AKAP13: variants seen among roughly 807,000 people sequenced by gnomAD.
AKAP13 encodes the protein A-kinase anchoring protein 13.
A neutral mutation model predicts 264.5 loss-of-function variants in AKAP13; 80 were observed. That is an observed-to-expected ratio of 0.30 (90% CI 0.25 to 0.36). The LOEUF is 0.36. AKAP13 is among the 10% of genes least tolerant of loss of function. The pLI, the probability that AKAP13 is intolerant of heterozygous loss-of-function variation, is 1.00. For missense variants in AKAP13, 3,712 were observed against 3,435.2 expected (o/e 1.08, Z -2.01); for synonymous variants, 1,380 against 1,250.2 (o/e 1.10, Z -2.19).
At chr15:85,733,873 C>CTTTTTTTTTTTTTTTTTTTTTTTTTTTTT (rs72092500) in intron 30 of AKAP13, among the ~76,000 whole-genome samples, 5 of 82,590 alleles carry the variant, frequency 6.1e-5, no homozygotes, top group South Asian at 3.9e-4. Context: ...TCTTTCTTTT[C>CTTTTTTTTTTTTTTTTTTTTTTTTTTTTT]TTTTTTTTTT....
intron 5 of AKAP13, among the ~76,000 whole-genome samples, chr15:85,554,689 G>T (rs1467666857): frequency 6.6e-6 from 1 of 151,604 alleles, no homozygotes; most frequent in Non-Finnish European, 1.5e-5. Context: ...TATATCAATC[G>T]TTTCGGGTGT....
intron 5 of AKAP13, among the ~76,000 whole-genome samples, chr15:85,546,321 A>AACACACACAC (rs60271542): frequency 0.069 from 10,019 of 144,984 alleles, 434 homozygotes; most frequent in Admixed American, 0.089. Context: ...GTTGTTACCA[A>AACACACACAC]ACACACACAC....
At chr15:85,633,880 C>T (rs2081968531) in intron 8 of AKAP13, among the ~76,000 whole-genome samples, 1 of 151,766 alleles carries the variant, frequency 6.6e-6, no homozygotes, top group Non-Finnish European at 1.5e-5. Context: ...TGTTTCAATT[C>T]TTTGAAAGAT....
At chr15:85,476,108 G>C (rs373695969) in intron 1 of AKAP13, among the ~76,000 whole-genome samples, 1 of 152,212 alleles carries the variant, frequency 6.6e-6, no homozygotes, top group Non-Finnish European at 1.5e-5. Flanking sequence ...CAGCAAGGGT[G>C]GAGGGCATGA....
chr15:85,605,997 A>G lies in AKAP13; in HGVS notation c.4161+20174A>G, dbSNP rs534359128. On this transcript the variant is annotated intron_variant, in intron 8 of 36. Coordinates refer to ENST00000394518, the MANE Select transcript of AKAP13 (RefSeq NM_007200.5). Reference sequence around the variant, plus strand: ...GTAGTGGGCAGAGTGGATGCCCTTTAGTGCATATCTGTGTGTCAGATATTT... The same window carrying G: ...GTAGTGGGCAGAGTGGATGCCCTTTGGTGCATATCTGTGTGTCAGATATTT... Among the ~76,000 whole-genome samples the G allele has an allele frequency of 4.0e-5, 6 of 149,574 alleles. No individual in the cohort carries two copies. In the South Asian group the frequency reaches 1.1e-3, roughly 27 times the overall value.
At chr15:85,433,262 A>G (rs1395653859) in intron 1 of AKAP13, among the ~76,000 whole-genome samples, 1 of 151,860 alleles carries the variant, frequency 6.6e-6, no homozygotes, top group Non-Finnish European at 1.5e-5. Context: ...CAATTCCAAC[A>G]TTATTTCCTT....
intron 21 of AKAP13, 73 bp downstream of exon 21, chr15:85,717,475 T>C (rs1250192176): frequency 1.9e-6 from 2 of 1,040,978 alleles, no homozygotes; most frequent in Non-Finnish European, 2.9e-6. Context: ...AGAACATAAG[T>C]CTTAATGGAG....
At chr15:85,646,038 C>T (rs1407130958) in intron 10 of AKAP13, 84 bp downstream of exon 10, 3 of 1,530,664 alleles carry the variant, frequency 2.0e-6, no homozygotes, top group East Asian at 2.3e-5. Flanking sequence ...CCAACTTTTT[C>T]CCCCTCTTGT....
chr15:85,390,133 T>C (rs1207134565), intron 1 of AKAP13, among the ~76,000 whole-genome samples: 1 of 152,246 alleles, frequency 6.6e-6, no homozygotes, highest in Non-Finnish European at 1.5e-5. Context: ...AAGTATCTTT[T>C]GTTTGTCAGG....
intron 1 of AKAP13, among the ~76,000 whole-genome samples, chr15:85,482,332 A>G (rs772909197): frequency 1.3e-5 from 2 of 152,046 alleles, no homozygotes; most frequent in South Asian, 2.1e-4. Context: ...ATTTTTCTCT[A>G]TAGAATTTGT....
intron 5 of AKAP13, among the ~76,000 whole-genome samples, chr15:85,559,676 G>C (rs937992380): frequency 7.7e-6 from 1 of 129,374 alleles, no homozygotes; most frequent in African/African-American, 2.9e-5. Flanking sequence ...TAGGGTTCAC[G>C]CTCCTGTGAG....
At chr15:85,525,618 T>G (rs2077011325) in intron 3 of AKAP13, among the ~76,000 whole-genome samples, 1 of 152,234 alleles carries the variant, frequency 6.6e-6, no homozygotes, top group Non-Finnish European at 1.5e-5. Flanking sequence ...TGAAAGATCT[T>G]GCCTTAGTAA....
At chr15:85,404,444 C>G (rs573261529) in intron 1 of AKAP13, among the ~76,000 whole-genome samples, 8 of 152,318 alleles carry the variant, frequency 5.3e-5, no homozygotes, top group African/African-American at 1.9e-4. Flanking sequence ...GTGCCTTTGC[C>G]CATTCATGCA....
chr15:85,738,135 C>T (rs537407136), intron 33 of AKAP13, among the ~76,000 whole-genome samples: 1 of 152,156 alleles, frequency 6.6e-6, no homozygotes, highest in South Asian at 2.1e-4. Flanking sequence ...CGGTGGCTCA[C>T]GCCTGTAATC....
Position 85,579,578 on chromosome 15 carries a change from A to G in AKAP13, c.1510A>G (p.Thr504Ala), listed in dbSNP as rs2079115641. Residue 504 changes from threonine (T) to alanine (A), a missense_variant, in exon 7 of 37, where the codon ACA becomes GCA. Physicochemically the swap from Thr to Ala is moderately conservative, Grantham distance 58 (BLOSUM62 0). Around this residue, in one of 3 missense-constraint regions of AKAP13, gnomAD observed 2,759 missense variants for 2,411.7 expected, o/e 1.14. Transcript: ENST00000394518. ...WKNVLQGGES[T>A]KERFENSNIG... ...GAATGTGCTTCAGGGAGGGGAAAGT[A>G]CAAAGGAAAGATTTGAGAACTCTAA... The G allele has an allele frequency of 3.7e-6, 6 of 1,614,110 alleles. No homozygotes were observed. Among genetic ancestry groups the G allele is most frequent in the Admixed American group, 1.7e-5 (1 of 60,006 alleles).
intron 4 of AKAP13, among the ~76,000 whole-genome samples, chr15:85,541,460 T>G (rs1317409572): frequency 6.6e-6 from 1 of 152,228 alleles, no homozygotes; most frequent in Admixed American, 6.5e-5. Flanking sequence ...TAATAAAATG[T>G]TGGAAGAAAA....
chr15:85,410,943 CTTG>C (rs997662880), intron 1 of AKAP13, among the ~76,000 whole-genome samples: 1 of 148,506 alleles, frequency 6.7e-6, no homozygotes, highest in Non-Finnish European at 1.5e-5. Context: ...GTAATCATGA[CTTG>C]TACTCTATAC....
At chr15:85,417,343 G>C (rs1034645724) in intron 1 of AKAP13, among the ~76,000 whole-genome samples, 1 of 152,182 alleles carries the variant, frequency 6.6e-6, no homozygotes, top group Non-Finnish European at 1.5e-5. Flanking sequence ...AAATTGGTAT[G>C]TATGACCAAA....
At chr15:85,612,441 A>G (rs144677936) in intron 8 of AKAP13, among the ~76,000 whole-genome samples, 10 of 152,192 alleles carry the variant, frequency 6.6e-5, no homozygotes, top group African/African-American at 2.4e-4. Flanking sequence ...CGCATTTTGC[A>G]CTTGTATATA....
Sources: gnomAD v4.1 joint callset for allele counts (sites outside exome capture counted in the v4.1 genomes callset) on GRCh38, gnomAD v4.1.1 for gene constraint, gnomAD v4.1.1 regional missense constraint, MANE v1.5 for transcripts, NCBI Gene and HGNC (gene_info 2026-07-23, HGNC 2026-07-21) for gene names.